CHL1: variants seen among roughly 807,000 people sequenced by gnomAD.
CHL1 encodes neural cell adhesion molecule L1-like protein.
CHL1 carries 96 observed loss-of-function variants against 141.9 expected under a neutral mutation model. The ratio of observed to expected loss-of-function variants is 0.68; its 90% CI spans 0.57 to 0.80. The LOEUF is 0.80. CHL1 is among the 30% of genes least tolerant of loss of function. CHL1 has a pLI of 0.00. For synonymous variants in CHL1, 613 were observed against 502.2 expected, an observed-to-expected ratio of 1.22 and a Z score of -2.95; for missense variants, 1,820 against 1,457.2, an observed-to-expected ratio of 1.25 and a Z score of -4.05.
At chr3:264,033 C>A (rs1280499745) in intron 2 of CHL1, among the ~76,000 whole-genome samples, 1 of 152,154 alleles carries the variant, frequency 6.6e-6, no homozygotes, top group African/African-American at 2.4e-5. Flanking sequence ...TGCAGAAATG[C>A]CTTGGAGTTT....
At chr3:261,857 T>A (rs1017714713) in intron 2 of CHL1, among the ~76,000 whole-genome samples, 3 of 152,132 alleles carry the variant, frequency 2.0e-5, no homozygotes, top group Non-Finnish European at 4.4e-5. Flanking sequence ...TTGAACAATA[T>A]ATGTTCTTAA....
chr3:219,435 C>T (rs748406759), intron 1 of CHL1, among the ~76,000 whole-genome samples: 12 of 152,016 alleles, frequency 7.9e-5, no homozygotes. Flanking sequence ...ACCTAAATGC[C>T]CATCAATGAC....
In CHL1 at chr3:383,864, A is replaced by C. The variant is rs1347791660; in HGVS notation, c.2225A>C (p.Lys742Thr). 1 of 1,609,806 alleles carries C rather than the reference A, an allele frequency of 6.2e-7. No individual in the cohort carries two copies. Among genetic ancestry groups the C allele is most frequent in the Non-Finnish European group, 8.5e-7 (1 of 1,177,352 alleles). The stretch of plus-strand genomic sequence containing the variant: ...ATAAGGGTTCAAGCCTCTCAACCCA[A>C]GGAAATGATTATAAAGTGGGAGGTG... The part of the protein sequence containing the change: ...QNIRVQASQP[K>T]EMIIKWEPLK... Residue 742 changes from lysine (K) to threonine (T), a missense_variant, in exon 19 of 28, where the codon AAG (lysine) becomes ACG (threonine). Physicochemically the swap from Lys to Thr is moderately conservative, Grantham distance 78 (BLOSUM62 -1). Transcript: ENST00000256509.
At position 360,291 on chromosome 3, in the gene CHL1, A is replaced by C. The variant is rs1704110696; in HGVS notation, c.1173A>C (p.Pro391=). The change falls in exon 12 of 28, where the codon CCA becomes CCC. Residue 391 remains proline (P), a synonymous_variant. Coordinates refer to ENST00000256509, the MANE Select transcript of CHL1 (RefSeq NM_006614.4). ...TTCTTTAATCTCTTTCAGATCATCC[A>C]TTTGCTGGTGATGTTGTCTTCCCCA... ...RVNGSPVDNH[P]FAGDVVFPRE... is the part of the protein sequence containing the mutation. The C allele has an allele frequency of 6.8e-6, 11 of 1,613,778 alleles. No individual in the cohort carries two copies. Among genetic ancestry groups the C allele is most frequent in the Non-Finnish European group, 5.9e-6 (7 of 1,179,776 alleles).
At chr3:323,006 C>G (rs1700720178) in intron 3 of CHL1, among the ~76,000 whole-genome samples, 1 of 151,870 alleles carries the variant, frequency 6.6e-6, no homozygotes, top group Non-Finnish European at 1.5e-5. Flanking sequence ...TTCTAGTGAA[C>G]TGGGAAGTAG....
chr3:406,128 A>G lies in CHL1; in HGVS notation c.*417A>G, dbSNP rs1161382435. The G allele has an allele frequency of 1.3e-5, 2 of 157,732 alleles. No homozygotes were observed. Among genetic ancestry groups the G allele is most frequent in the Non-Finnish European group, 2.8e-5 (2 of 71,790 alleles). 9.8% of individuals were successfully genotyped at this position (157,732 alleles called of 1,614,324 possible). Reference sequence around the variant, plus strand: ...ACTGGCTTGGTGACTTTGCTTCACTACAGGTTAAAAGACCATAAGCAAACT... The same window carrying G: ...ACTGGCTTGGTGACTTTGCTTCACTGCAGGTTAAAAGACCATAAGCAAACT... On this transcript the variant is annotated 3_prime_UTR_variant, in exon 28 of 28. Transcript: ENST00000256509.
chr3:374,472 G>A (rs1706049161), intron 15 of CHL1, among the ~76,000 whole-genome samples: 1 of 152,112 alleles, frequency 6.6e-6, no homozygotes. Flanking sequence ...GAGACCCATG[G>A]CTGGTGGGTA....
chr3:246,114 C>T (rs535300443), intron 2 of CHL1, among the ~76,000 whole-genome samples: 108 of 152,164 alleles, frequency 7.1e-4, no homozygotes, highest in Non-Finnish European at 1.4e-3. Context: ...TATGATTTCA[C>T]TTTAAATGAA....
At chr3:372,824 T>C (rs1256702297) in intron 15 of CHL1, among the ~76,000 whole-genome samples, 1 of 151,596 alleles carries the variant, frequency 6.6e-6, no homozygotes, top group Non-Finnish European at 1.5e-5. Context: ...TTCTTTTCTT[T>C]CTTTTTTTTT....
At chr3:257,140 G>C (rs1468225565) in intron 2 of CHL1, among the ~76,000 whole-genome samples, 1 of 152,080 alleles carries the variant, frequency 6.6e-6, no homozygotes, top group East Asian at 1.9e-4. Flanking sequence ...GTATATACCA[G>C]ATTATGGGAT....
At position 285,140 on chromosome 3, in the gene CHL1, A is replaced by T. The variant is rs570171110; in HGVS notation, c.-94-34543A>T. Among the ~76,000 whole-genome samples, 51 of 152,352 alleles carry T rather than the reference A, an allele frequency of 3.3e-4. 1 individual carries two copies. In the South Asian group the frequency reaches 8.1e-3, roughly 24 times the overall value. On this transcript the variant is annotated intron_variant, in intron 2 of 27. Coordinates refer to ENST00000256509, the MANE Select transcript of CHL1 (RefSeq NM_006614.4). ...AATTGAAATAATTAGAATAAGTTTC[A>T]TTATCACCTTTCACCTTTTATGCTA...
At chr3:314,298 A>ACT (rs1163136962) in intron 2 of CHL1, among the ~76,000 whole-genome samples, 1 of 101,834 alleles carries the variant, frequency 9.8e-6, no homozygotes, top group Admixed American at 1.1e-4. Flanking sequence ...CCAATCTTGC[A>ACT]CTCTCTCTCT....
intron 2 of CHL1, among the ~76,000 whole-genome samples, chr3:318,887 G>T (rs1404960761): frequency 6.6e-6 from 1 of 151,336 alleles, no homozygotes; most frequent in Non-Finnish European, 1.5e-5. Flanking sequence ...GAGTAAAAAA[G>T]AACCACTTTT....
intron 2 of CHL1, among the ~76,000 whole-genome samples, chr3:269,519 C>G (rs1327647434): frequency 6.6e-6 from 1 of 150,518 alleles, no homozygotes; most frequent in African/African-American, 2.4e-5. Context: ...ATAAAAAAGA[C>G]TCTCTCTCTC....
chr3:238,074 G>C (rs1692170689), intron 1 of CHL1, among the ~76,000 whole-genome samples: 1 of 152,102 alleles, frequency 6.6e-6, no homozygotes, highest in Non-Finnish European at 1.5e-5. Context: ...TTCTGTCTGT[G>C]TGTTCATTTT....
intron 11 of CHL1, among the ~76,000 whole-genome samples, chr3:357,616 A>G (rs536795671): frequency 3.9e-4 from 59 of 152,302 alleles, no homozygotes; most frequent in Admixed American, 2.2e-3. Context: ...TTGACCAAAG[A>G]CAAAACTGAG....
intron 19 of CHL1, 60 bp from the exon 20 acceptor site, chr3:389,192 C>G: frequency 7.3e-7 from 1 of 1,366,790 alleles, no homozygotes; most frequent in Non-Finnish European, 1.0e-6. Context: ...GGTGGTTCAC[C>G]ATCATCTCTG....
chr3:341,358 A>G (rs1301740638), intron 6 of CHL1, among the ~76,000 whole-genome samples: 2 of 152,196 alleles, frequency 1.3e-5, no homozygotes, highest in African/African-American at 2.4e-5. Context: ...AACCATAGAG[A>G]AAAATGCTAT....
intron 2 of CHL1, among the ~76,000 whole-genome samples, chr3:249,194 A>G (rs1388172894): frequency 6.6e-6 from 1 of 152,208 alleles, no homozygotes; most frequent in Non-Finnish European, 1.5e-5. Context: ...TCACCAACAC[A>G]ACTGCAGAGG....
Sources: allele counts gnomAD v4.1 joint callset (sites outside exome capture counted in the v4.1 genomes callset), GRCh38; gene constraint gnomAD v4.1.1; transcripts MANE v1.5; gene names NCBI Gene and HGNC (gene_info 2026-07-23, HGNC 2026-07-21).